The following C1QTNF1 variants were observed in gnomAD, a reference collection of about 807,000 sequenced individuals.
C1QTNF1 encodes the protein complement C1q tumor necrosis factor-related protein 1.
A neutral mutation model predicts 27.8 loss-of-function variants in C1QTNF1; 22 were observed. The ratio of observed to expected loss-of-function variants is 0.79; its 90% CI spans 0.56 to 1.13. The LOEUF (loss-of-function observed/expected upper bound fraction) is 1.13. Among genes scored for constraint, C1QTNF1 ranks in the 50% most tolerant of loss-of-function variants. The pLI is 0.00. For missense variants in C1QTNF1, 373 were observed against 380.2 expected, an observed-to-expected ratio of 0.98 and a Z score of 0.16; for synonymous variants, 166 against 154.3, an observed-to-expected ratio of 1.08 and a Z score of -0.56.
In C1QTNF1 at chr17:79,047,965, A is replaced by G. The variant is rs1485045428; in HGVS notation, c.723A>G (p.Arg241=). 1 of 1,613,882 alleles carries G rather than the reference A, an allele frequency of 6.2e-7. No individual in the cohort carries two copies. The highest frequency in any genetic ancestry group is 2.2e-5 in the East Asian group (1 of 44,884). ...GCCAGAGCCTGATGCTGGAGCTGCGAGAGCAGGACCAGGTGTGGGTACGCC... is the reference window on the plus strand; with the variant it reads ...GCCAGAGCCTGATGCTGGAGCTGCGGGAGCAGGACCAGGTGTGGGTACGCC... ...MQSQSLMLEL[R]EQDQVWVRLY... The change falls in exon 4 of 4, where the codon CGA becomes CGG. Residue 241 remains arginine (R), a synonymous_variant. Transcript: ENST00000579760.
chr17:79,045,491 G>A (rs1002921988), intron 2 of C1QTNF1, among the ~76,000 whole-genome samples: 7 of 152,312 alleles, frequency 4.6e-5, no homozygotes, highest in Admixed American at 2.0e-4. Context: ...GATTCCAAGT[G>A]AGAGTCGAAA....
intron 2 of C1QTNF1, 79 bp downstream of exon 2, chr17:79,044,202 G>T: frequency 7.0e-7 from 1 of 1,427,112 alleles, no homozygotes; most frequent in Middle Eastern, 2.6e-4. Context: ...CCCTGGGGGA[G>T]CTAGTTCACT....
intron 1 of C1QTNF1, among the ~76,000 whole-genome samples, chr17:79,038,629 C>G (rs1004581494): frequency 2.6e-5 from 4 of 152,204 alleles, no homozygotes; most frequent in African/African-American, 9.7e-5. Context: ...GACTGGGCCA[C>G]GTGGATCTGG....
chr17:79,042,970 T>C (rs948276312), intron 1 of C1QTNF1, among the ~76,000 whole-genome samples: 1 of 152,022 alleles, frequency 6.6e-6, no homozygotes, highest in Non-Finnish European at 1.5e-5. Flanking sequence ...TGTGTGCACG[T>C]GTGTTGAAAG....
In C1QTNF1 at chr17:79,047,421, A is replaced by C. The variant is rs1307136752; in HGVS notation, c.296-117A>C. Reference sequence around the variant, plus strand: ...TGGGGGCAGGAGTGAAGCTTCTGCCAGGTCAGGGCTGTGAGGACGAATCAG... The same window carrying C: ...TGGGGGCAGGAGTGAAGCTTCTGCCCGGTCAGGGCTGTGAGGACGAATCAG... On this transcript the variant is annotated intron_variant, in intron 3 of 3. Coordinates refer to ENST00000579760, the MANE Select transcript of C1QTNF1 (RefSeq NM_030968.5). The C allele has an allele frequency of 3.9e-6, 4 of 1,032,838 alleles. No individual in the cohort carries two copies. The African/African-American group carries it at 6.4e-5, about 17-fold the overall frequency. The allele number at this position is 1,032,838 out of a possible 1,614,324, so 64.0% of individuals were successfully genotyped here. A position where few individuals can be genotyped will look rare whatever the true frequency, so the allele number is the denominator to read the frequency against.
Position 79,029,218 on chromosome 17 carries a change from C to T in C1QTNF1, c.-15+4724C>T, listed in dbSNP as rs372601715. 4.6e-5 allele frequency among the ~76,000 whole-genome samples: 7 copies of T among 152,312 alleles called. No homozygotes were observed. The East Asian group carries it at 1.4e-3, about 29-fold the overall frequency. ...AATTGGTGGGCACCGTAACCCTGAG[C>T]CCAGTGGGCGGGAACGGTCGCTGCA... On this transcript the variant is annotated intron_variant, in intron 1 of 3. Coordinates refer to ENST00000579760, the MANE Select transcript of C1QTNF1 (RefSeq NM_030968.5).
intron 1 of C1QTNF1, among the ~76,000 whole-genome samples, chr17:79,041,200 C>T (rs984743372): frequency 6.6e-6 from 1 of 152,092 alleles, no homozygotes; most frequent in Non-Finnish European, 1.5e-5. Flanking sequence ...GTCATTGGGA[C>T]GGTCTCTGGG....
At chr17:79,030,489 CTTTCTTTCTTTCTTTCT>C (rs1568061070) in intron 1 of C1QTNF1, among the ~76,000 whole-genome samples, 1 of 62,208 alleles carries the variant, frequency 1.6e-5, no homozygotes, top group African/African-American at 5.6e-5. Flanking sequence ...CTTTCTTTTT[CTTTCTTTCTTTCTTTCT>C]TTCTTTCTTT....
chr17:79,047,383 C>A (rs1241513909), intron 3 of C1QTNF1, among the ~76,000 whole-genome samples, 155 bp from the exon 4 acceptor site: 1 of 152,056 alleles, frequency 6.6e-6, no homozygotes, highest in African/African-American at 2.4e-5. Context: ...GGACGCCGCC[C>A]GTGGCAGGGG....
At position 79,046,923 on chromosome 17, in the gene C1QTNF1, G is replaced by A. The variant is rs372036566; in HGVS notation, c.295+229G>A. On this transcript the variant is annotated intron_variant, in intron 3 of 3. Coordinates refer to ENST00000579760, the MANE Select transcript of C1QTNF1 (RefSeq NM_030968.5). This position sits in a 1 kb window ranked among gnomAD's most constrained non-coding sequence, Gnocchi z 4.8. ...GTTGGAAAGGGGCCCACAGGACCAA[G>A]AGCAGGAGAGGGAGCCCAGAGGCTA... 5.4e-4 allele frequency: 314 copies of A among 580,376 alleles called. 3 individuals carry two copies. The highest frequency in any genetic ancestry group is 5.1e-3 in the African/African-American group (274 of 53,590). 36.0% of individuals were successfully genotyped at this position (580,376 alleles called of 1,614,324 possible).
At chr17:79,025,746 G>A (rs756729517) in intron 1 of C1QTNF1, 93 of 204,190 alleles carry the variant, frequency 4.6e-4, no homozygotes, top group Non-Finnish European at 6.6e-4. Context: ...CCTGCCAACC[G>A]GGGAGGAGGG....
chr17:79,046,505 T>C lies in C1QTNF1; in HGVS notation c.156-50T>C. 1.2e-6 allele frequency: 2 copies of C among 1,611,512 alleles called. No individual in the cohort carries two copies. Among genetic ancestry groups the C allele is most frequent in the Non-Finnish European group, 8.5e-7 (1 of 1,178,318 alleles). ...CACTGGCAGCAGGAGAGAGCAGCGT[T>C]TCCAGGCCTGAGAGTGGCTGACTTT... On this transcript the variant is annotated intron_variant, in intron 2 of 3. Coordinates refer to ENST00000579760, the MANE Select transcript of C1QTNF1 (RefSeq NM_030968.5). The surrounding 1 kb of genome is among the most constrained non-coding windows in gnomAD (Gnocchi z 4.8).
At chr17:79,037,276 C>T (rs1242352081) in intron 1 of C1QTNF1, among the ~76,000 whole-genome samples, 1 of 152,038 alleles carries the variant, frequency 6.6e-6, no homozygotes, top group Non-Finnish European at 1.5e-5. Flanking sequence ...ATTACAGGCA[C>T]GTGCCACCAC....
intron 1 of C1QTNF1, among the ~76,000 whole-genome samples, chr17:79,036,412 C>T (rs550202484): frequency 2.0e-5 from 3 of 152,108 alleles, no homozygotes; most frequent in Admixed American, 6.5e-5. Context: ...TGGGCTCAGG[C>T]GATCCTCCCA....
intron 1 of C1QTNF1, among the ~76,000 whole-genome samples, chr17:79,031,284 C>T (rs1351821126): frequency 5.3e-5 from 8 of 152,018 alleles, no homozygotes; most frequent in African/African-American, 1.9e-4. Flanking sequence ...GGATTACAGG[C>T]GTGAGCCACC....
chr17:79,044,269 C>T, intron 2 of C1QTNF1, 146 bp downstream of exon 2: 1 of 941,748 alleles, frequency 1.1e-6, no homozygotes, highest in South Asian at 1.8e-5. Context: ...GGAGGCTGGT[C>T]CTGCAGGACA....
rs201651330 is a variant in C1QTNF1, at chr17:79,046,664, G to A, written c.265G>A (p.Val89Met). 6.7e-5 allele frequency: 108 copies of A among 1,614,098 alleles called. No homozygotes were observed. In the East Asian group the frequency reaches 8.5e-4, roughly 13 times the overall value. ...TACCTCCATGTACCCGGCGACCGCC[G>A]TGCCCCAGATCAACATCACTATCTT... ...PGTSMYPATA[V>M]PQINITILKG... Residue 89 changes from valine to methionine, a missense_variant, in exon 3 of 4, where the codon GTG becomes ATG. Val to Met is a conservative substitution (Grantham distance 21, BLOSUM62 1). Transcript: ENST00000579760. The surrounding 1 kb of genome is among the most constrained non-coding windows in gnomAD (Gnocchi z 4.8).
In C1QTNF1 at chr17:79,032,647, G is replaced by T. The variant is rs2072165638; in HGVS notation, c.-15+8153G>T. 2.0e-5 allele frequency among the ~76,000 whole-genome samples: 3 copies of T among 152,206 alleles called. No individual in the cohort carries two copies. The South Asian group carries it at 6.2e-4, about 31-fold the overall frequency. Reference sequence around the variant, plus strand: ...GAAGGTGGCATCCAAGTGGCTTGCAGGCTTCTGGCCCGGGACCCCGCGTGA... The same window carrying T: ...GAAGGTGGCATCCAAGTGGCTTGCATGCTTCTGGCCCGGGACCCCGCGTGA... On this transcript the variant is annotated intron_variant, in intron 1 of 3. Transcript: ENST00000579760.
At position 79,048,126 on chromosome 17, in the gene C1QTNF1, C is replaced by T. The variant is rs2072650851; in HGVS notation, c.*38C>T. 6.7e-7 allele frequency: 1 copy of T among 1,503,130 alleles called. No homozygotes were observed. The highest frequency in any genetic ancestry group is 8.8e-7 in the Non-Finnish European group (1 of 1,132,702). 93.1% of individuals were successfully genotyped at this position (1,503,130 alleles called of 1,614,324 possible). On this transcript the variant is annotated 3_prime_UTR_variant, in exon 4 of 4. Transcript: ENST00000579760. ...CTCCTTTCCTCTCGCCACCTTCCACCCCTGCGCTGTGCTGACCCCACCGCC... is the reference window on the plus strand; with the variant it reads ...CTCCTTTCCTCTCGCCACCTTCCACTCCTGCGCTGTGCTGACCCCACCGCC...
Sources: gnomAD v4.1 joint callset for allele counts (sites outside exome capture counted in the v4.1 genomes callset) on GRCh38, gnomAD v4.1.1 for gene constraint, Gnocchi (gnomAD v3.1) non-coding constraint, MANE v1.5 for transcripts, NCBI Gene and HGNC (gene_info 2026-07-23, HGNC 2026-07-21) for gene names.